Variants in ZNF385B observed in about 807,000 individuals in gnomAD.
ZNF385B encodes zinc finger protein 533.
ZNF385B carries 23 observed loss-of-function variants against 39.2 expected under a neutral mutation model. The ratio of observed to expected loss-of-function variants is 0.59; its 90% confidence interval spans 0.42 to 0.83. ZNF385B has a LOEUF of 0.83. Ranked by LOEUF, ZNF385B falls within the 40% of genes least tolerant of loss-of-function variation. ZNF385B has a pLI of 0.00. For missense variants in ZNF385B, 552 were observed against 598.9 expected (o/e 0.92, Z 0.82); for synonymous variants, 205 against 222.6 (o/e 0.92, Z 0.70).
intron 5 of ZNF385B, among the ~76,000 whole-genome samples, chr2:179,490,682 A>C (rs1470561458): frequency 6.6e-6 from 1 of 152,174 alleles, no homozygotes; most frequent in Admixed American, 6.5e-5. Context: ...AAGTGAATAA[A>C]ATTTTGTCTC....
intron 3 of ZNF385B, among the ~76,000 whole-genome samples, chr2:179,603,054 T>C (rs1487921704): frequency 6.6e-6 from 1 of 152,220 alleles, no homozygotes; most frequent in Non-Finnish European, 1.5e-5. Context: ...TTAATTTTCT[T>C]CCTCATCGAT....
chr2:179,633,797 G>A (rs1459501617), intron 3 of ZNF385B, among the ~76,000 whole-genome samples: 1 of 152,008 alleles, frequency 6.6e-6, no homozygotes, highest in African/African-American at 2.4e-5. Flanking sequence ...TGTATATTTA[G>A]AAGCTACAGT....
intron 6 of ZNF385B, among the ~76,000 whole-genome samples, chr2:179,461,051 T>C (rs147210391): frequency 1.2e-3 from 189 of 152,038 alleles, no homozygotes; most frequent in Middle Eastern, 3.4e-3. Context: ...GGAGAAAGAG[T>C]GTTCCAGGAA....
chr2:179,702,581 A>G (rs1437893279), intron 3 of ZNF385B, among the ~76,000 whole-genome samples: 1 of 152,206 alleles, frequency 6.6e-6, no homozygotes, highest in Non-Finnish European at 1.5e-5. Flanking sequence ...TCAAAACTAG[A>G]TTTGGGTATT....
chr2:179,466,443 T>C (rs1419121160), intron 6 of ZNF385B, among the ~76,000 whole-genome samples: 1 of 152,152 alleles, frequency 6.6e-6, no homozygotes, highest in Non-Finnish European at 1.5e-5. Flanking sequence ...GCTAAACTCA[T>C]GTTCTGTTCT....
chr2:179,736,325 T>C (rs925237886), intron 3 of ZNF385B, among the ~76,000 whole-genome samples: 1 of 152,180 alleles, frequency 6.6e-6, no homozygotes, highest in African/African-American at 2.4e-5. Flanking sequence ...TTTTTCTCTA[T>C]CAATTTTGCA....
At chr2:179,597,600 GCTTTT>G (rs1432125219) in intron 3 of ZNF385B, among the ~76,000 whole-genome samples, 1 of 152,088 alleles carries the variant, frequency 6.6e-6, no homozygotes, top group Non-Finnish European at 1.5e-5. Flanking sequence ...CTCCATCTGA[GCTTTT>G]CACACGACAT....
At chr2:179,712,103 T>G (rs1217601190) in intron 3 of ZNF385B, among the ~76,000 whole-genome samples, 1 of 152,094 alleles carries the variant, frequency 6.6e-6, no homozygotes, top group Non-Finnish European at 1.5e-5. Context: ...TACACTATCT[T>G]TGGTCAACAT....
At chr2:179,575,749 T>C (rs1165163940) in intron 3 of ZNF385B, among the ~76,000 whole-genome samples, 3 of 152,176 alleles carry the variant, frequency 2.0e-5, no homozygotes, top group East Asian at 3.9e-4. Context: ...GAAGAATAAG[T>C]GGTAGTTATG....
chr2:179,663,028 G>C (rs1301253374), intron 3 of ZNF385B, among the ~76,000 whole-genome samples: 3 of 152,102 alleles, frequency 2.0e-5, no homozygotes, highest in African/African-American at 7.2e-5. Flanking sequence ...GAAATAACAA[G>C]GTATCTTTCA....
chr2:179,793,059 T>C (rs1181013549), intron 1 of ZNF385B, among the ~76,000 whole-genome samples: 1 of 152,210 alleles, frequency 6.6e-6, no homozygotes, highest in Non-Finnish European at 1.5e-5. Flanking sequence ...GAAACTGTGC[T>C]ATTATCTGGA....
chr2:179,536,550 CTCATAAAGGACCA>C (rs2059579317), intron 4 of ZNF385B: 1 of 152,138 alleles, frequency 6.6e-6, no homozygotes, highest in Non-Finnish European at 1.5e-5. Context: ...ATTCTTTTAC[CTCATAAAGGACCA>C]TCAAAGTCTC....
At chr2:179,656,122 A>C (rs1693734860) in intron 3 of ZNF385B, among the ~76,000 whole-genome samples, 1 of 152,170 alleles carries the variant, frequency 6.6e-6, no homozygotes, top group African/African-American at 2.4e-5. Context: ...CCCTTCATGG[A>C]TAATACCTTT....
chr2:179,453,388 C>A (rs925998898), intron 6 of ZNF385B, among the ~76,000 whole-genome samples: 1 of 152,092 alleles, frequency 6.6e-6, no homozygotes, highest in African/African-American at 2.4e-5. Context: ...AGAACTGGTC[C>A]AGCTGCCAGC....
chr2:179,450,438 A>G (rs2049994283), intron 6 of ZNF385B, among the ~76,000 whole-genome samples: 1 of 152,252 alleles, frequency 6.6e-6, no homozygotes, highest in Admixed American at 6.5e-5. Flanking sequence ...AAGTGGGCGA[A>G]GGATATGAAC....
At chr2:179,782,510 A>ACGG (rs1704731047) in intron 1 of ZNF385B, among the ~76,000 whole-genome samples, 1 of 152,164 alleles carries the variant, frequency 6.6e-6, no homozygotes, top group Non-Finnish European at 1.5e-5. Context: ...AACAAAATAA[A>ACGG]CGGCATCCAA....
At chr2:179,559,955 C>G (rs1428089304) in intron 3 of ZNF385B, among the ~76,000 whole-genome samples, 1 of 152,102 alleles carries the variant, frequency 6.6e-6, no homozygotes, top group East Asian at 1.9e-4. Flanking sequence ...TGACAGCCAC[C>G]TTTCTATTCT....
chr2:179,798,056 T>C (rs1017180322), intron 1 of ZNF385B, among the ~76,000 whole-genome samples: 1 of 152,134 alleles, frequency 6.6e-6, no homozygotes, highest in African/African-American at 2.4e-5. Context: ...ACTAGAATCT[T>C]CCACAGGTGG....
At position 179,524,420 on chromosome 2, in the gene ZNF385B, T is replaced by C. The variant is rs534174127; in HGVS notation, c.442-5782A>G. Among the ~76,000 whole-genome samples the C allele has an allele frequency of 3.3e-5, 5 of 150,758 alleles. No individual in the cohort carries two copies. In the South Asian group the frequency reaches 6.3e-4, roughly 19 times the overall value. Reference sequence around the variant, plus strand: ...AAAAAAAATTAGCCGGGCGTGGTGGTGGGCGCCTGTAGTCCCAGCTACTCG... The same window carrying C: ...AAAAAAAATTAGCCGGGCGTGGTGGCGGGCGCCTGTAGTCCCAGCTACTCG... On this transcript the variant is annotated intron_variant, in intron 4 of 9. Transcript: ENST00000410066.
Sources: allele counts gnomAD v4.1 joint callset (sites outside exome capture counted in the v4.1 genomes callset), GRCh38; gene constraint gnomAD v4.1.1; transcripts MANE v1.5; gene names NCBI Gene and HGNC (gene_info 2026-07-23, HGNC 2026-07-21).